ADSS2: variants seen among roughly 807,000 people sequenced by gnomAD.
ADSS2 encodes the protein adenylosuccinate synthetase isozyme 2.
Under a neutral mutation model 60.0 loss-of-function variants are expected in ADSS2, and 30 were observed. The ratio of observed to expected loss-of-function variants is 0.50; its 90% CI spans 0.37 to 0.68. The LOEUF (loss-of-function observed/expected upper bound fraction) is 0.68. Ranked by LOEUF, ADSS2 falls within the 30% of genes least tolerant of loss-of-function variation. The pLI is 0.00. For missense variants in ADSS2, 373 were observed against 554.8 expected, an observed-to-expected ratio of 0.67 and a Z score of 3.29; for synonymous variants, 187 against 193.1, an observed-to-expected ratio of 0.97 and a Z score of 0.26.
At chr1:244,442,811 T>G (rs991907653) in intron 1 of ADSS2, among the ~76,000 whole-genome samples, 14 of 152,192 alleles carry the variant, frequency 9.2e-5, no homozygotes, top group African/African-American at 3.4e-4. Flanking sequence ...TAACCTAAAA[T>G]ATTCAGATTA....
At chr1:244,410,659 G>A (rs1037515871) in intron 12 of ADSS2, among the ~76,000 whole-genome samples, 5 of 151,870 alleles carry the variant, frequency 3.3e-5, no homozygotes, top group Non-Finnish European at 7.4e-5. Flanking sequence ...TTTTTGTGGT[G>A]GTAGAGATAC....
intron 1 of ADSS2, among the ~76,000 whole-genome samples, chr1:244,439,548 TCTTC>T (rs1422749984): frequency 1.3e-5 from 2 of 152,124 alleles, no homozygotes; most frequent in African/African-American, 4.8e-5. Context: ...TCCTCCTGAC[TCTTC>T]CTTCTCCTCA....
chr1:244,451,695 T>C lies in ADSS2; in HGVS notation c.123A>G (p.Glu41=). 6.2e-7 allele frequency: 1 copy of C among 1,612,502 alleles called. No homozygotes were observed. Among genetic ancestry groups the C allele is most frequent in the Non-Finnish European group, 8.5e-7 (1 of 1,179,352 alleles). ...TVVLGAQWGD[E]GKGKVVDLLA... ...GCAGGTCCACCACCTTCCCTTTGCCTTCGTCGCCCCACTGCGCACCGAGCA... is the reference window on the plus strand; with the variant it reads ...GCAGGTCCACCACCTTCCCTTTGCCCTCGTCGCCCCACTGCGCACCGAGCA... The change falls in exon 1 of 13, where the codon GAA becomes GAG. Residue 41 remains glutamate, a synonymous_variant. Transcript: ENST00000366535. This position sits in a 1 kb window ranked among gnomAD's most constrained non-coding sequence, Gnocchi z 6.6.
chr1:244,414,194 A>G (rs1216778444), intron 11 of ADSS2, among the ~76,000 whole-genome samples: 1 of 152,136 alleles, frequency 6.6e-6, no homozygotes, highest in East Asian at 1.9e-4. Context: ...CTGTCAACCA[A>G]TGACTATCAA....
chr1:244,420,654 G>A (rs544264900), intron 7 of ADSS2, among the ~76,000 whole-genome samples: 1 of 152,244 alleles, frequency 6.6e-6, no homozygotes, highest in African/African-American at 2.4e-5. Flanking sequence ...TAAATTTTGT[G>A]AGGTATTTGA....
chr1:244,439,722 C>A lies in ADSS2; in HGVS notation c.184-1954G>T, dbSNP rs559619078. 9.2e-5 allele frequency among the ~76,000 whole-genome samples: 14 copies of A among 152,314 alleles called. No individual in the cohort carries two copies. The South Asian group carries it at 1.7e-3, about 18-fold the overall frequency. ...AAGTCCAGCACAACACCAGGACTTG[C>A]CCAAGAACTGTAGTCTTTGTGGCCC... is the stretch of plus-strand genomic sequence containing the variant. On this transcript the variant is annotated intron_variant, in intron 1 of 12. Coordinates refer to ENST00000366535, the MANE Select transcript of ADSS2 (RefSeq NM_001126.5).
chr1:244,450,821 C>T (rs974267761), intron 1 of ADSS2, among the ~76,000 whole-genome samples: 1 of 152,106 alleles, frequency 6.6e-6, no homozygotes, highest in African/African-American at 2.4e-5. Flanking sequence ...CCTCGTTTTC[C>T]GAAAGTTCAC....
In ADSS2 at chr1:244,451,357, T is replaced by G. The variant is rs561476040; in HGVS notation, c.183+278A>C. ...GAGCACCACTCGCCAGACGCAAAAC[T>G]GCAACTGCCAGGCATCGCGCATCTC... On this transcript the variant is annotated intron_variant, in intron 1 of 12. Transcript: ENST00000366535. The surrounding 1 kb of genome is among the most constrained non-coding windows in gnomAD (Gnocchi z 6.6). Among the ~76,000 whole-genome samples the G allele has an allele frequency of 5.3e-5, 8 of 152,256 alleles. No homozygotes were observed. The South Asian group carries it at 1.7e-3, about 32-fold the overall frequency.
chr1:244,450,951 G>A (rs945240487), intron 1 of ADSS2, among the ~76,000 whole-genome samples: 2 of 152,142 alleles, frequency 1.3e-5, no homozygotes, highest in African/African-American at 2.4e-5. Flanking sequence ...GGACCAACTA[G>A]TAAAAGTAAT....
chr1:244,451,650 G>T lies in ADSS2; in HGVS notation c.168C>A (p.Ile56=), dbSNP rs762008431. 3 of 1,610,462 alleles carry T rather than the reference G, an allele frequency of 1.9e-6. No individual in the cohort carries two copies. In the South Asian group the frequency reaches 3.3e-5, roughly 18 times the overall value. ...GTCGCCTCACCTGGCAGCGGCACAC[G>T]ATGTCGGCGTCCTGCGCCAGCAGGT... ...VVDLLAQDAD[I]VCRCQGGNNA... The change falls in exon 1 of 13, where the codon ATC becomes ATA. Residue 56 remains isoleucine (I), a synonymous_variant. Coordinates refer to ENST00000366535, the MANE Select transcript of ADSS2 (RefSeq NM_001126.5). The surrounding 1 kb of genome is among the most constrained non-coding windows in gnomAD (Gnocchi z 6.6).
intron 4 of ADSS2, 146 bp from the exon 5 acceptor site, chr1:244,424,533 A>G: frequency 1.7e-6 from 1 of 602,426 alleles, no homozygotes; most frequent in South Asian, 2.1e-5. Context: ...TGATGATAGA[A>G]GTTTATAACA....
chr1:244,434,707 A>G (rs971486619), intron 3 of ADSS2, among the ~76,000 whole-genome samples: 1 of 152,158 alleles, frequency 6.6e-6, no homozygotes, highest in Non-Finnish European at 1.5e-5. Context: ...GGCTAGAAGG[A>G]AAAAGGGAGT....
chr1:244,442,131 G>A (rs1031797361), intron 1 of ADSS2, among the ~76,000 whole-genome samples: 3 of 152,096 alleles, frequency 2.0e-5, no homozygotes, highest in Non-Finnish European at 2.9e-5. Context: ...ATTACTGGTA[G>A]TGAATGACAA....
At chr1:244,438,152 A>C (rs1278454237) in intron 1 of ADSS2, among the ~76,000 whole-genome samples, 2 of 152,206 alleles carry the variant, frequency 1.3e-5, no homozygotes, top group African/African-American at 2.4e-5. Flanking sequence ...ATCTCTTAAG[A>C]TAGAGTAATC....
At chr1:244,416,493 T>C (rs956892972) in intron 10 of ADSS2, among the ~76,000 whole-genome samples, 1 of 152,162 alleles carries the variant, frequency 6.6e-6, no homozygotes. Context: ...AATTGTTTTG[T>C]ATTTTTTGTA....
chr1:244,425,981 A>G (rs1267715216), intron 4 of ADSS2, among the ~76,000 whole-genome samples: 1 of 152,222 alleles, frequency 6.6e-6, no homozygotes, highest in African/African-American at 2.4e-5. Flanking sequence ...GATTTTTAAA[A>G]GTGTGAAATG....
chr1:244,424,098 G>A (rs1387499862), intron 5 of ADSS2, 38 bp from the exon 6 acceptor site: 8 of 1,545,188 alleles, frequency 5.2e-6, no homozygotes, highest in Admixed American at 1.8e-5. Context: ...AGTCAGACAA[G>A]AAAGATGTAG....
intron 11 of ADSS2, among the ~76,000 whole-genome samples, chr1:244,412,374 T>G (rs1010033688): frequency 9.9e-5 from 15 of 152,264 alleles, no homozygotes; most frequent in Admixed American, 3.9e-4. Flanking sequence ...CAATCTAAGA[T>G]AGCTGGCACC....
chr1:244,417,556 T>C (rs943558969), intron 10 of ADSS2, 72 bp downstream of exon 10: 1 of 1,548,596 alleles, frequency 6.5e-7, no homozygotes, highest in Non-Finnish European at 8.8e-7. Context: ...ATTAAGGTAC[T>C]CCACAAAATT....
Sources: gnomAD v4.1 joint callset for allele counts (sites outside exome capture counted in the v4.1 genomes callset) on GRCh38, gnomAD v4.1.1 for gene constraint, Gnocchi (gnomAD v3.1) non-coding constraint, MANE v1.5 for transcripts, NCBI Gene and HGNC (gene_info 2026-07-23, HGNC 2026-07-21) for gene names.